CLEC6A: variants seen among roughly 807,000 people sequenced by gnomAD.
CLEC6A encodes the protein C-type lectin domain containing 6A.
In CLEC6A, 22 loss-of-function variants were observed where a neutral mutation model predicts 25.7. The observed-to-expected ratio is 0.85, with a 90% confidence interval of 0.61 to 1.22. CLEC6A has a LOEUF of 1.22. Among genes scored for constraint, CLEC6A ranks in the 50% most tolerant of loss-of-function variants. The pLI, the probability that CLEC6A is intolerant of heterozygous loss-of-function variation, is 0.00. For missense variants in CLEC6A, 240 were observed against 236.8 expected, an observed-to-expected ratio of 1.01 and a Z score of -0.09; for synonymous variants, 92 against 76.7, an observed-to-expected ratio of 1.20 and a Z score of -1.04.
Position 8,460,662 on chromosome 12 carries a change from G to A in CLEC6A, c.223+964G>A, listed in dbSNP as rs1939740674. On this transcript the variant is annotated intron_variant, in intron 3 of 5. Transcript: ENST00000382073. ...TCCAGGAGCTATGGAGAAAGAAGCA[G>A]TCTGATGTCATGAGCTTTCTTCTGA... 3.3e-6 allele frequency: 5 copies of A among 1,493,606 alleles called. No individual in the cohort carries two copies. The South Asian group carries it at 5.6e-5, about 17-fold the overall frequency. The allele number at this position is 1,493,606 out of a possible 1,614,324, so 92.5% of individuals were successfully genotyped here.
intron 2 of CLEC6A, among the ~76,000 whole-genome samples, chr12:8,459,220 T>A (rs923037536): frequency 1.2e-4 from 18 of 152,018 alleles, no homozygotes; most frequent in Non-Finnish European, 2.2e-4. Flanking sequence ...CTTCTTTTTT[T>A]ATAATAAAAT....
In CLEC6A at chr12:8,477,463, G is replaced by A. The variant is rs111454531; in HGVS notation, c.629G>A (p.Ter210=). 6.3e-7 allele frequency: 1 copy of A among 1,597,092 alleles called. No individual in the cohort carries two copies. Among genetic ancestry groups the A allele is most frequent in the Non-Finnish European group, 8.5e-7 (1 of 1,173,334 alleles). The change falls in exon 6 of 6, where the codon TGA becomes TAA. Residue 210 remains the stop codon, a stop_retained_variant. Transcript: ENST00000382073. ...TGTGAGATGAATAAGATTTACCTAT[G>A]AGTAGAAGCTTAATTGGAAAGAAGA... The part of the protein sequence containing the change: ...SICEMNKIYL[*]
At chr12:8,465,741 T>A in intron 4 of CLEC6A, 112 bp downstream of exon 4, 3 of 849,136 alleles carry the variant, frequency 3.5e-6, no homozygotes, top group East Asian at 3.0e-5. Context: ...ATTTTCACAT[T>A]ACTGGGTAAC....
intron 4 of CLEC6A, among the ~76,000 whole-genome samples, chr12:8,467,780 T>G (rs1320896779): frequency 6.6e-6 from 1 of 152,206 alleles, no homozygotes; most frequent in East Asian, 1.9e-4. Context: ...TTTAACTATA[T>G]TAAGCCTACC....
At chr12:8,459,105 G>A (rs1939716762) in intron 2 of CLEC6A, among the ~76,000 whole-genome samples, 1 of 152,142 alleles carries the variant, frequency 6.6e-6, no homozygotes, top group Non-Finnish European at 1.5e-5. Context: ...CTAAGGAGAA[G>A]CAGACATCCA....
intron 3 of CLEC6A, among the ~76,000 whole-genome samples, chr12:8,463,946 A>AT (rs1365979032): frequency 2.6e-5 from 4 of 152,192 alleles, no homozygotes; most frequent in Admixed American, 1.3e-4. Context: ...ACTTACAAAA[A>AT]ATGTTTGGTG....
In CLEC6A at chr12:8,457,914, G is replaced by C; in HGVS notation, c.48G>C (p.Leu16Phe). The change falls in exon 2 of 6, where the codon TTG (leucine) becomes TTC (phenylalanine). Residue 16 changes from leucine (L) to phenylalanine (F), a missense_variant. Physicochemically the swap from Leu to Phe is conservative, Grantham distance 22 (BLOSUM62 0). Coordinates refer to ENST00000382073, the MANE Select transcript of CLEC6A (RefSeq NM_001007033.2). ...QPQSTEKRGW[L>F]SLRLWSVAGI... is the part of the protein sequence containing the mutation. ...ATTGGACAGAGAAAAGAGGCTGGTT[G>C]TCCCTGAGACTCTGGTCTGTGGCTG... 2 of 1,613,892 alleles carry C rather than the reference G, an allele frequency of 1.2e-6. No homozygotes were observed. The highest frequency in any genetic ancestry group is 2.2e-5 in the South Asian group (2 of 91,072).
Position 8,476,240 on chromosome 12 carries a change from G to C in CLEC6A, c.485G>C (p.Arg162Thr). The C allele has an allele frequency of 6.5e-7, 1 of 1,549,182 alleles. No homozygotes were observed. Among genetic ancestry groups the C allele is most frequent in the Non-Finnish European group, 8.9e-7 (1 of 1,129,318 alleles). ...IDKTPYEKNVRFWHLGEPNHS... is the reference protein window; with the variant it reads ...IDKTPYEKNVTFWHLGEPNHS... Reference sequence around the variant, plus strand: ...AAGACACCTTATGAGAAAAATGTCAGGTGAGTGCAGTTCTGGGGCCTTGTT... The same window carrying C: ...AAGACACCTTATGAGAAAAATGTCACGTGAGTGCAGTTCTGGGGCCTTGTT... Residue 162 changes from arginine (R) to threonine (T), a missense_variant and splice_region_variant, in exon 5 of 6, where the codon AGA becomes ACA. Physicochemically the swap from Arg to Thr is moderately conservative, Grantham distance 71. Coordinates refer to ENST00000382073, the MANE Select transcript of CLEC6A (RefSeq NM_001007033.2).
chr12:8,456,274 G>T, intron 1 of CLEC6A, 132 bp downstream of exon 1: 1 of 802,416 alleles, frequency 1.2e-6, no homozygotes. Flanking sequence ...AAAGGAATTT[G>T]AAAGAAAGAG....
intron 4 of CLEC6A, among the ~76,000 whole-genome samples, chr12:8,471,919 A>T (rs1939911270): frequency 6.6e-6 from 1 of 152,134 alleles, no homozygotes; most frequent in African/African-American, 2.4e-5. Flanking sequence ...GTTGTACATG[A>T]TGAGCACTTT....
chr12:8,463,555 A>G (rs1939791446), intron 3 of CLEC6A, among the ~76,000 whole-genome samples: 1 of 152,176 alleles, frequency 6.6e-6, no homozygotes, highest in African/African-American at 2.4e-5. Flanking sequence ...TCTGCTTATG[A>G]CGATATAGTG....
Position 8,477,566 on chromosome 12 carries a change from T to A in CLEC6A, c.*102T>A. The A allele has an allele frequency of 1.1e-6, 1 of 875,654 alleles. No individual in the cohort carries two copies. The highest frequency in any genetic ancestry group is 1.7e-6 in the Non-Finnish European group (1 of 585,538). 54.2% of individuals were successfully genotyped at this position (875,654 alleles called of 1,614,324 possible). ...CATGAAATGATAATTTCTTCCTGAA[T>A]TTACACATAATCCTTATGTTATAGA... On this transcript the variant is annotated 3_prime_UTR_variant, in exon 6 of 6. Coordinates refer to ENST00000382073, the MANE Select transcript of CLEC6A (RefSeq NM_001007033.2).
intron 4 of CLEC6A, 93 bp downstream of exon 4, chr12:8,465,722 G>A: frequency 9.5e-7 from 1 of 1,053,680 alleles, no homozygotes; most frequent in Non-Finnish European, 1.3e-6. Flanking sequence ...CTGTTCAGTA[G>A]CATTTACTAT....
At chr12:8,470,161 T>C (rs1473399684) in intron 4 of CLEC6A, among the ~76,000 whole-genome samples, 1 of 152,006 alleles carries the variant, frequency 6.6e-6, no homozygotes, top group East Asian at 1.9e-4. Flanking sequence ...GATATACAAA[T>C]GACCAACAAA....
At chr12:8,461,170 T>G in intron 3 of CLEC6A, 5 of 1,290,488 alleles carry the variant, frequency 3.9e-6, no homozygotes, top group Non-Finnish European at 5.5e-6. Flanking sequence ...CCACACTATT[T>G]GTGGTTCTCA....
At chr12:8,463,068 C>G (rs1939784142) in intron 3 of CLEC6A, among the ~76,000 whole-genome samples, 1 of 152,174 alleles carries the variant, frequency 6.6e-6, no homozygotes, top group South Asian at 2.1e-4. Context: ...TTAAAACAAT[C>G]AGAAACATGT....
At chr12:8,457,329 T>A (rs1287490922) in intron 1 of CLEC6A, among the ~76,000 whole-genome samples, 2 of 152,202 alleles carry the variant, frequency 1.3e-5, no homozygotes, top group Non-Finnish European at 2.9e-5. Flanking sequence ...GCAATGTTTG[T>A]CTTTCTGTGC....
At chr12:8,459,389 T>C (rs1490515094) in intron 2 of CLEC6A, among the ~76,000 whole-genome samples, 1 of 151,984 alleles carries the variant, frequency 6.6e-6, no homozygotes, top group African/African-American at 2.4e-5. Flanking sequence ...ATTCTAGTGG[T>C]GAAAAGACCA....
At chr12:8,460,332 T>G (rs61922366) in intron 3 of CLEC6A, among the ~76,000 whole-genome samples, 10,283 of 152,274 alleles carry the variant, frequency 0.068, 471 homozygotes, top group Admixed American at 0.11. Context: ...ACATCTCACA[T>G]GGCAGCAGAC....
Sources: allele counts gnomAD v4.1 joint callset (sites outside exome capture counted in the v4.1 genomes callset), GRCh38; gene constraint gnomAD v4.1.1; transcripts MANE v1.5; gene names NCBI Gene and HGNC (gene_info 2026-07-23, HGNC 2026-07-21).